The following RBPJ variants were observed in gnomAD, a reference collection of about 807,000 sequenced individuals.
The protein encoded by RBPJ is recombination signal binding protein for immunoglobulin kappa J region.
Under a neutral mutation model 67.8 loss-of-function variants are expected in RBPJ, and 9 were observed. That is an observed-to-expected ratio of 0.13 (90% CI 0.08 to 0.23). The LOEUF is 0.23. Among genes scored for constraint, RBPJ ranks in the 10% least tolerant of loss-of-function variants. The pLI, the probability that RBPJ is intolerant of heterozygous loss-of-function variation, is 1.00. For missense variants in RBPJ, 305 were observed against 595.6 expected, an observed-to-expected ratio of 0.51 and a Z score of 5.08; for synonymous variants, 198 against 203.3, an observed-to-expected ratio of 0.97 and a Z score of 0.22.
Position 26,434,236 on chromosome 4 carries a change from T to C in RBPJ, c.*3229T>C, listed in dbSNP as rs1736480944. 6.6e-6 allele frequency: 1 copy of C among 152,254 alleles called. No individual in the cohort carries two copies. The highest frequency in any genetic ancestry group is 1.5e-5 in the Non-Finnish European group (1 of 68,042). The allele number at this position is 152,254 out of a possible 1,614,324, so 9.4% of individuals were successfully genotyped here. A position where few individuals can be genotyped will look rare whatever the true frequency, so the allele number is the denominator to read the frequency against. Reference sequence around the variant, plus strand: ...TTGTCACTCTTACTGCACAGACTTATCTGCAATCATAACTGGTTAGTTTTT... The same window carrying C: ...TTGTCACTCTTACTGCACAGACTTACCTGCAATCATAACTGGTTAGTTTTT... On this transcript the variant is annotated 3_prime_UTR_variant, in exon 11 of 11. Transcript: ENST00000355476.
At chr4:26,158,293 CA>C in the RBPJ span, among the ~76,000 whole-genome samples, 1 of 152,124 alleles carries the variant, frequency 6.6e-6, no homozygotes, top group Non-Finnish European at 1.5e-5. Context: ...GTGGATGGCC[CA>C]TGGACTTCAG....
chr4:26,120,604 A>T, the RBPJ span, among the ~76,000 whole-genome samples: 2 of 151,902 alleles, frequency 1.3e-5, no homozygotes, highest in Non-Finnish European at 2.9e-5. Context: ...TAACCTTGGC[A>T]CCATATTGCT....
upstream of RBPJ, chr4:26,320,444 G>T: frequency 1.1e-5 from 4 of 372,682 alleles, no homozygotes; most frequent in Non-Finnish European, 2.0e-5. Flanking sequence ...CCGAACCCCA[G>T]ACATCTCTGG....
At chr4:26,295,273 T>G (rs541466528) in intron 1 of RBPJ, among the ~76,000 whole-genome samples, 14 of 149,088 alleles carry the variant, frequency 9.4e-5, no homozygotes, top group Non-Finnish European at 1.8e-4. Context: ...TGTGTGTGGG[T>G]GTGTGTGTGT....
intron 1 of RBPJ, among the ~76,000 whole-genome samples, chr4:26,241,754 T>C (rs1030337324): frequency 3.9e-5 from 6 of 152,070 alleles, no homozygotes; most frequent in African/African-American, 1.2e-4. Flanking sequence ...TGAAGTGATC[T>C]GCCCGCCCAG....
intron 1 of RBPJ, among the ~76,000 whole-genome samples, chr4:26,337,587 T>TAA (rs1455213158): frequency 6.6e-6 from 1 of 151,890 alleles, no homozygotes; most frequent in East Asian, 1.9e-4. Context: ...AGGTAACCAA[T>TAA]ATCTTGATAC....
At chr4:26,396,958 T>C (rs1732179844) in intron 2 of RBPJ, among the ~76,000 whole-genome samples, 1 of 152,154 alleles carries the variant, frequency 6.6e-6, no homozygotes, top group Non-Finnish European at 1.5e-5. Context: ...TGACTATTGA[T>C]AGTATCCCTA....
the RBPJ span, among the ~76,000 whole-genome samples, chr4:26,139,533 G>T: frequency 2.0e-5 from 3 of 152,222 alleles, no homozygotes; most frequent in African/African-American, 7.2e-5. Flanking sequence ...GTGAAGCTGT[G>T]TCCCCCCTGG....
At chr4:26,400,205 A>T (rs34207896) in intron 2 of RBPJ, among the ~76,000 whole-genome samples, 21 of 152,032 alleles carry the variant, frequency 1.4e-4, no homozygotes, top group Non-Finnish European at 2.5e-4. Context: ...TACCACTGAA[A>T]TTTTTTGGGT....
chr4:26,249,900 C>A (rs1300744779), intron 1 of RBPJ, among the ~76,000 whole-genome samples: 2 of 151,214 alleles, frequency 1.3e-5, no homozygotes, highest in Non-Finnish European at 2.9e-5. Flanking sequence ...ATTCTCCTGC[C>A]TCAGCCTCCC....
At chr4:26,170,244 A>G (rs1168196656) in intron 1 of RBPJ, among the ~76,000 whole-genome samples, 1 of 152,162 alleles carries the variant, frequency 6.6e-6, no homozygotes, top group Non-Finnish European at 1.5e-5. Context: ...TATATTTTCA[A>G]AAGAATGGAA....
the RBPJ span, among the ~76,000 whole-genome samples, chr4:26,144,325 C>T: frequency 8.0e-6 from 1 of 125,782 alleles, no homozygotes; most frequent in Non-Finnish European, 1.6e-5. Flanking sequence ...GGCTGGAGTG[C>T]AGTAGTGCAG....
intron 1 of RBPJ, among the ~76,000 whole-genome samples, chr4:26,252,658 A>G (rs1348469177): frequency 2.0e-5 from 3 of 152,234 alleles, no homozygotes; most frequent in Non-Finnish European, 4.4e-5. Context: ...TTAACATTTA[A>G]GAGTTGCATA....
At chr4:26,349,761 G>A (rs966995048) in intron 1 of RBPJ, among the ~76,000 whole-genome samples, 2 of 152,124 alleles carry the variant, frequency 1.3e-5, no homozygotes, top group East Asian at 3.9e-4. Context: ...GATTTTCATG[G>A]TTACTCTCTG....
At chr4:26,404,658 A>T (rs1443822785) in intron 2 of RBPJ, among the ~76,000 whole-genome samples, 1 of 152,230 alleles carries the variant, frequency 6.6e-6, no homozygotes. Flanking sequence ...AAATAAAATA[A>T]TGGAGTTAAA....
intron 3 of RBPJ, chr4:26,410,222 G>C (rs1022004981): frequency 4.3e-6 from 1 of 234,616 alleles, no homozygotes; most frequent in African/African-American, 2.3e-5. Flanking sequence ...AAAGGCGTAA[G>C]GCGTGAGGTT....
At chr4:26,240,820 A>G (rs1719610750) in intron 1 of RBPJ, among the ~76,000 whole-genome samples, 2 of 152,230 alleles carry the variant, frequency 1.3e-5, no homozygotes, top group East Asian at 3.9e-4. Context: ...TGTGACCCCC[A>G]ATAGTTGATG....
At chr4:26,359,623 G>A (rs1325379298) in intron 1 of RBPJ, 1 of 152,084 alleles carries the variant, frequency 6.6e-6, no homozygotes, top group East Asian at 1.9e-4. Flanking sequence ...GGTCGGCACA[G>A]GCATAGCCCC....
the RBPJ span, among the ~76,000 whole-genome samples, chr4:26,131,900 T>C: frequency 2.0e-5 from 3 of 152,192 alleles, no homozygotes; most frequent in Non-Finnish European, 2.9e-5. Context: ...TGGTGGGTGC[T>C]TTCGGGGGTA....
Sources: allele counts gnomAD v4.1 joint callset (sites outside exome capture counted in the v4.1 genomes callset), GRCh38; gene constraint gnomAD v4.1.1; transcripts MANE v1.5; gene names NCBI Gene and HGNC (gene_info 2026-07-23, HGNC 2026-07-21).